B3GALT1: variants seen among roughly 807,000 people sequenced by gnomAD.
B3GALT1 encodes the protein beta-1,3-galactosyltransferase 1.
In B3GALT1, 10 loss-of-function variants were observed where a neutral mutation model predicts 23.2. The ratio of observed to expected loss-of-function variants is 0.43; its 90% CI spans 0.27 to 0.73. The LOEUF is 0.73. B3GALT1 is among the 30% of genes least tolerant of loss of function. The pLI is 0.21. For synonymous variants in B3GALT1, 156 were observed against 141.5 expected (o/e 1.10, Z -0.73); for missense variants, 299 against 405.4 (o/e 0.74, Z 2.25).
At chr2:167,649,128 T>C (rs1199843833) in intron 3 of B3GALT1, among the ~76,000 whole-genome samples, 1 of 152,130 alleles carries the variant, frequency 6.6e-6, no homozygotes, top group African/African-American at 2.4e-5. Flanking sequence ...CCACCCCTAC[T>C]TTATCCACAG....
At chr2:167,442,902 G>A (rs6730485) in intron 1 of B3GALT1, among the ~76,000 whole-genome samples, 13,018 of 139,788 alleles carry the variant, frequency 0.093, 631 homozygotes, top group African/African-American at 0.16. Flanking sequence ...TGTCAATTTT[G>A]GCTTTTGTTG....
intron 1 of B3GALT1, among the ~76,000 whole-genome samples, chr2:167,404,589 C>G (rs759864376): frequency 6.6e-6 from 1 of 152,080 alleles, no homozygotes; most frequent in Non-Finnish European, 1.5e-5. Flanking sequence ...GAAGATGCAT[C>G]GCAGTCAGTA....
chr2:167,727,359 T>A (rs1266824914), intron 3 of B3GALT1, among the ~76,000 whole-genome samples: 1 of 152,190 alleles, frequency 6.6e-6, no homozygotes, highest in African/African-American at 2.4e-5. Context: ...ACTAGTTAGA[T>A]AATCGCTTCT....
At chr2:167,609,532 T>C (rs1396679946) in intron 2 of B3GALT1, among the ~76,000 whole-genome samples, 2 of 152,120 alleles carry the variant, frequency 1.3e-5, no homozygotes, top group African/African-American at 4.8e-5. Context: ...CTGAGGCTAG[T>C]TCCCCTGTGA....
At chr2:167,659,810 AAG>A (rs1686024403) in intron 3 of B3GALT1, among the ~76,000 whole-genome samples, 2 of 151,990 alleles carry the variant, frequency 1.3e-5, no homozygotes, top group Admixed American at 1.3e-4. Flanking sequence ...GGGCATTTCA[AAG>A]AGAGAGAATC....
intron 3 of B3GALT1, among the ~76,000 whole-genome samples, chr2:167,788,964 T>G (rs1688387187): frequency 6.6e-6 from 1 of 151,996 alleles, no homozygotes; most frequent in Admixed American, 6.6e-5. Context: ...AGGCAGAGGG[T>G]CAGTGGTCCC....
In B3GALT1 at chr2:167,434,718, C is replaced by T. The variant is rs865974464; in HGVS notation, c.-510-55459C>T. On this transcript the variant is annotated intron_variant, in intron 1 of 4. Transcript: ENST00000392690. The stretch of plus-strand genomic sequence containing the variant: ...AACTTAATCTATGAATGACCCCCCC[C>T]CCTTATTTTTTCCCTTCAACTTATT... 5.9e-3 allele frequency among the ~76,000 whole-genome samples: 837 copies of T among 142,772 alleles called. 12 individuals are homozygous for T. The highest frequency in any genetic ancestry group is 0.02 in the African/African-American group (803 of 39,814). The allele number at this position is 142,772 out of a possible 152,430, so 93.7% of individuals were successfully genotyped here.
At chr2:167,544,669 A>G (rs938897936) in intron 2 of B3GALT1, among the ~76,000 whole-genome samples, 3 of 152,154 alleles carry the variant, frequency 2.0e-5, no homozygotes, top group Non-Finnish European at 4.4e-5. Flanking sequence ...GAGACTTTAC[A>G]TGAAGAGCAC....
chr2:167,804,232 T>G (rs1188607219), intron 3 of B3GALT1, among the ~76,000 whole-genome samples: 1 of 152,212 alleles, frequency 6.6e-6, no homozygotes, highest in South Asian at 2.1e-4. Context: ...TCAAGTGATC[T>G]GCGAGCCTCG....
intron 2 of B3GALT1, among the ~76,000 whole-genome samples, chr2:167,580,023 A>G (rs959179733): frequency 2.0e-5 from 3 of 152,178 alleles, no homozygotes; most frequent in African/African-American, 4.8e-5. Context: ...CCAGATGCCA[A>G]TCATTCTTGC....
intron 2 of B3GALT1, among the ~76,000 whole-genome samples, chr2:167,506,730 C>T (rs796232834): frequency 1.3e-5 from 2 of 151,796 alleles, no homozygotes; most frequent in Admixed American, 6.6e-5. Flanking sequence ...GCATAATACA[C>T]ACATAGATAA....
intron 1 of B3GALT1, among the ~76,000 whole-genome samples, chr2:167,395,169 A>C (rs1221688398): frequency 6.6e-6 from 1 of 152,122 alleles, no homozygotes; most frequent in African/African-American, 2.4e-5. Flanking sequence ...GATGGATATA[A>C]ATCTTTGAGG....
intron 2 of B3GALT1, among the ~76,000 whole-genome samples, chr2:167,506,354 A>G (rs1699917937): frequency 6.6e-6 from 1 of 152,202 alleles, no homozygotes; most frequent in Non-Finnish European, 1.5e-5. Flanking sequence ...TTGAAGCAAA[A>G]AGGAGACTAT....
intron 1 of B3GALT1, among the ~76,000 whole-genome samples, chr2:167,315,940 T>C (rs1280776865): frequency 1.3e-5 from 2 of 152,222 alleles, no homozygotes; most frequent in Admixed American, 6.5e-5. Flanking sequence ...AATGCAGATG[T>C]TTTTCAACAC....
At chr2:167,565,497 A>G (rs1684141700) in intron 2 of B3GALT1, among the ~76,000 whole-genome samples, 1 of 152,206 alleles carries the variant, frequency 6.6e-6, no homozygotes. Context: ...AAAAGCCAAA[A>G]TTGACAAATG....
At chr2:167,804,410 T>C (rs1466434238) in intron 3 of B3GALT1, among the ~76,000 whole-genome samples, 3 of 152,050 alleles carry the variant, frequency 2.0e-5, no homozygotes, top group Non-Finnish European at 4.4e-5. Context: ...ATGTGCCATG[T>C]TGGTGTGCTG....
chr2:167,319,916 G>A (rs1314394653), intron 1 of B3GALT1, among the ~76,000 whole-genome samples: 1 of 151,992 alleles, frequency 6.6e-6, no homozygotes, highest in African/African-American at 2.4e-5. Context: ...CAGTAGTTAA[G>A]TGACTTGGTT....
intron 2 of B3GALT1, among the ~76,000 whole-genome samples, chr2:167,556,162 C>G (rs1357529419): frequency 6.6e-6 from 1 of 151,960 alleles, no homozygotes; most frequent in Non-Finnish European, 1.5e-5. Context: ...AAGGAAAGAT[C>G]ACTCTATATG....
At chr2:167,348,329 A>G (rs1225636261) in intron 1 of B3GALT1, among the ~76,000 whole-genome samples, 1 of 152,214 alleles carries the variant, frequency 6.6e-6, no homozygotes. Flanking sequence ...TGTGTGAAAC[A>G]TGAAGTTTCC....
Sources: allele counts gnomAD v4.1 joint callset (sites outside exome capture counted in the v4.1 genomes callset), GRCh38; gene constraint gnomAD v4.1.1; transcripts MANE v1.5; gene names NCBI Gene and HGNC (gene_info 2026-07-23, HGNC 2026-07-21).